CADPS2: variants seen among roughly 807,000 people sequenced by gnomAD.
The protein encoded by CADPS2 is calcium-dependent secretion activator 2.
Under a neutral mutation model 172.5 loss-of-function variants are expected in CADPS2, and 93 were observed. The ratio of observed to expected loss-of-function variants is 0.54; its 90% CI spans 0.46 to 0.64. The LOEUF (loss-of-function observed/expected upper bound fraction) is 0.64. Ranked by LOEUF, CADPS2 falls within the 30% of genes least tolerant of loss-of-function variation. The pLI is 0.00. For missense variants in CADPS2, 1,420 were observed against 1,565.9 expected (o/e 0.91, Z 1.57); for synonymous variants, 546 against 555.2 (o/e 0.98, Z 0.23).
intron 1 of CADPS2, among the ~76,000 whole-genome samples, chr7:122,829,510 C>A (rs995482109): frequency 6.6e-6 from 1 of 152,040 alleles, no homozygotes; most frequent in Non-Finnish European, 1.5e-5. Context: ...ACACTCAAAT[C>A]AACTTTTATT....
chr7:122,705,022 C>T (rs964847443), intron 2 of CADPS2, among the ~76,000 whole-genome samples: 5 of 152,000 alleles, frequency 3.3e-5, no homozygotes, highest in Non-Finnish European at 5.9e-5. Flanking sequence ...CCAAAACTCT[C>T]CCAACCCCGA....
intron 6 of CADPS2, among the ~76,000 whole-genome samples, chr7:122,581,909 T>A (rs912744476): frequency 2.0e-5 from 3 of 152,140 alleles, no homozygotes; most frequent in East Asian, 3.9e-4. Context: ...GCTTTTGAAA[T>A]CATCACAACA....
intron 6 of CADPS2, among the ~76,000 whole-genome samples, chr7:122,604,143 T>C (rs1422808426): frequency 6.6e-6 from 1 of 152,162 alleles, no homozygotes; most frequent in Non-Finnish European, 1.5e-5. Context: ...GTATTTCTGT[T>C]TTTAAATATT....
intron 8 of CADPS2, among the ~76,000 whole-genome samples, chr7:122,532,593 G>A (rs969352847): frequency 7.1e-6 from 1 of 139,940 alleles, no homozygotes; most frequent in African/African-American, 2.7e-5. Context: ...GACAGATCAG[G>A]CCTGAGAATT....
At chr7:122,569,851 C>T (rs2066982274) in intron 7 of CADPS2, among the ~76,000 whole-genome samples, 1 of 142,978 alleles carries the variant, frequency 7.0e-6, no homozygotes, top group Non-Finnish European at 1.5e-5. Context: ...GAAACTGGAT[C>T]CCTTCCTTAC....
At chr7:122,722,220 G>A (rs921640479) in intron 2 of CADPS2, among the ~76,000 whole-genome samples, 1 of 151,782 alleles carries the variant, frequency 6.6e-6, no homozygotes, top group Non-Finnish European at 1.5e-5. Context: ...AGAAAGAAAG[G>A]GTATTCAATT....
chr7:122,549,937 C>A (rs1389191789), intron 8 of CADPS2, among the ~76,000 whole-genome samples: 1 of 152,156 alleles, frequency 6.6e-6, no homozygotes, highest in Non-Finnish European at 1.5e-5. Context: ...CTCGACGCAG[C>A]TAAGATTTTC....
intron 1 of CADPS2, among the ~76,000 whole-genome samples, chr7:122,833,349 ATTTAT>A (rs889937744): frequency 6.6e-6 from 1 of 151,962 alleles, no homozygotes; most frequent in Non-Finnish European, 1.5e-5. Flanking sequence ...TGCTTTATTT[ATTTAT>A]TTTATTTTAT....
At chr7:122,373,434 T>C (rs1376823961) in intron 25 of CADPS2, among the ~76,000 whole-genome samples, 1 of 152,176 alleles carries the variant, frequency 6.6e-6, no homozygotes, top group African/African-American at 2.4e-5. Context: ...TTAAGAATCA[T>C]TGCCTTACAA....
At chr7:122,366,672 T>TATATATATACGTATAC (rs1469888835) in intron 25 of CADPS2, 2 of 126,974 alleles carry the variant, frequency 1.6e-5, no homozygotes, top group Non-Finnish European at 3.5e-5. Flanking sequence ...CACATACATA[T>TATATATATACGTATAC]ATATATATAT....
chr7:122,424,229 T>A, intron 17 of CADPS2: 1 of 593,266 alleles, frequency 1.7e-6, no homozygotes, highest in Non-Finnish European at 2.1e-6. Flanking sequence ...CCATTTAAAG[T>A]AAGAGTTGCA....
rs138756016 is a variant in CADPS2 at position 122,681,544 on chromosome 7, G to T, written c.454-17975C>A. ...GTGAAGCTACATTACTGTGTGAGTTGTGCAATTCACAGCAAAGTAGTCAGG... is the reference window on the plus strand; with the variant it reads ...GTGAAGCTACATTACTGTGTGAGTTTTGCAATTCACAGCAAAGTAGTCAGG... On this transcript the variant is annotated intron_variant, in intron 2 of 29. Transcript: ENST00000449022. 1,441 of 1,464,048 alleles carry T rather than the reference G, an allele frequency of 9.8e-4. 16 individuals carry two copies. The East Asian group carries it at 0.025, about 25-fold the overall frequency. 90.7% of individuals were successfully genotyped at this position (1,464,048 alleles called of 1,614,324 possible). A position where few individuals can be genotyped will look rare whatever the true frequency, so the allele number is the denominator to read the frequency against.
rs139110856 is a variant in CADPS2 at position 122,813,667 on chromosome 7, A to T, written c.339+72332T>A. The stretch of plus-strand genomic sequence containing the variant: ...TGCAAAGGGGCATTCTGACAATTTC[A>T]TTGCATAAAAACCGCATTATTCTAA... On this transcript the variant is annotated intron_variant, in intron 1 of 29. Transcript: ENST00000449022. Among the ~76,000 whole-genome samples, 182 of 152,258 alleles carry T rather than the reference A, an allele frequency of 1.2e-3. 3 individuals carry two copies. Among genetic ancestry groups the T allele is most frequent in the Non-Finnish European group, 1.9e-3 (132 of 67,938 alleles).
chr7:122,614,363 C>A (rs564860486), intron 6 of CADPS2, among the ~76,000 whole-genome samples: 30 of 152,110 alleles, frequency 2.0e-4, no homozygotes, highest in Non-Finnish European at 3.8e-4. Flanking sequence ...ATGAACATTT[C>A]TCATATATCT....
At chr7:122,738,402 C>CTTT (rs796440172) in intron 1 of CADPS2, among the ~76,000 whole-genome samples, 3 of 143,324 alleles carry the variant, frequency 2.1e-5, no homozygotes, top group African/African-American at 7.6e-5. Flanking sequence ...AATGCAGAAG[C>CTTT]TTTTTTTTTT....
At chr7:122,805,994 G>A (rs927125485) in intron 1 of CADPS2, among the ~76,000 whole-genome samples, 5 of 152,224 alleles carry the variant, frequency 3.3e-5, no homozygotes, top group African/African-American at 4.8e-5. Context: ...ATTTTTATAT[G>A]TATTAATATT....
At chr7:122,328,903 A>T (rs185376649) in intron 28 of CADPS2, among the ~76,000 whole-genome samples, 7 of 152,292 alleles carry the variant, frequency 4.6e-5, no homozygotes, top group Non-Finnish European at 7.4e-5. Flanking sequence ...AAAACAGAAC[A>T]TCAGTCTAAT....
At chr7:122,584,331 A>G (rs2069314165) in intron 6 of CADPS2, among the ~76,000 whole-genome samples, 1 of 151,914 alleles carries the variant, frequency 6.6e-6, no homozygotes, top group Middle Eastern at 3.2e-3. Flanking sequence ...GTGAATTTTG[A>G]TAAGCACTAA....
At chr7:122,782,312 T>C (rs887458234) in intron 1 of CADPS2, among the ~76,000 whole-genome samples, 3 of 152,196 alleles carry the variant, frequency 2.0e-5, no homozygotes, top group African/African-American at 7.2e-5. Context: ...TTTGCTAAAA[T>C]CTTCATAGAA....
Sources: allele counts gnomAD v4.1 joint callset (sites outside exome capture counted in the v4.1 genomes callset), GRCh38; gene constraint gnomAD v4.1.1; transcripts MANE v1.5; gene names NCBI Gene and HGNC (gene_info 2026-07-23, HGNC 2026-07-21).